The following BMPER variants were observed in gnomAD, a reference collection of about 807,000 sequenced individuals.
The protein encoded by BMPER is BMP binding endothelial regulator, also known as BMP-binding endothelial regulator protein.
BMPER carries 45 observed loss-of-function variants against 87.3 expected under a neutral mutation model. The ratio of observed to expected loss-of-function variants is 0.52; its 90% CI spans 0.41 to 0.66. The LOEUF is 0.66. BMPER is among the 30% of genes least tolerant of loss of function. The pLI is 0.00. For synonymous variants in BMPER, 326 were observed against 316.2 expected, an observed-to-expected ratio of 1.03 and a Z score of -0.33; for missense variants, 784 against 867.5, an observed-to-expected ratio of 0.90 and a Z score of 1.21.
At chr7:34,040,421 G>A (rs895392412) in intron 6 of BMPER, among the ~76,000 whole-genome samples, 1 of 152,184 alleles carries the variant, frequency 6.6e-6, no homozygotes, top group African/African-American at 2.4e-5. Flanking sequence ...TGGGTTTGGA[G>A]TCCAGAGACA....
At chr7:34,048,962 A>G (rs1788067322) in intron 7 of BMPER, among the ~76,000 whole-genome samples, 1 of 152,242 alleles carries the variant, frequency 6.6e-6, no homozygotes, top group Non-Finnish European at 1.5e-5. Flanking sequence ...CACAGCAAGA[A>G]ACAGAGACAA....
intron 6 of BMPER, among the ~76,000 whole-genome samples, chr7:34,002,800 T>A (rs1786616658): frequency 6.6e-6 from 1 of 151,794 alleles, no homozygotes; most frequent in Admixed American, 6.6e-5. Flanking sequence ...CTTAAAGACT[T>A]TTTTGTTTGA....
At chr7:33,956,740 C>T (rs892966257) in intron 3 of BMPER, among the ~76,000 whole-genome samples, 2 of 152,176 alleles carry the variant, frequency 1.3e-5, no homozygotes, top group African/African-American at 2.4e-5. Context: ...TTCTCAATAA[C>T]ATTTTCTTTT....
chr7:34,129,618 G>GATAGAGAA (rs1554322703), intron 13 of BMPER, among the ~76,000 whole-genome samples: 1 of 52,420 alleles, frequency 1.9e-5, no homozygotes, highest in African/African-American at 7.8e-5. Flanking sequence ...GAAAGAGAGA[G>GATAGAGAA]AGAGAGAAAG....
chr7:34,082,348 G>A (rs200239763), intron 12 of BMPER, among the ~76,000 whole-genome samples: 6 of 29,910 alleles, frequency 2.0e-4, no homozygotes, highest in Admixed American at 3.2e-4. Context: ...TTTTTTTTTT[G>A]GTCTTTCACT....
chr7:34,107,838 T>C (rs901801292), intron 13 of BMPER, among the ~76,000 whole-genome samples: 3 of 152,164 alleles, frequency 2.0e-5, no homozygotes, highest in African/African-American at 4.8e-5. Context: ...GTCAAATCAT[T>C]TGGGCTCAAA....
At chr7:34,125,386 G>C (rs973196570) in intron 13 of BMPER, among the ~76,000 whole-genome samples, 1 of 152,072 alleles carries the variant, frequency 6.6e-6, no homozygotes, top group African/African-American at 2.4e-5. Flanking sequence ...TTCCAACTCA[G>C]TTGATCATTC....
At chr7:34,043,800 G>A (rs180757787) in intron 6 of BMPER, among the ~76,000 whole-genome samples, 30 of 152,310 alleles carry the variant, frequency 2.0e-4, no homozygotes, top group African/African-American at 7.2e-4. Context: ...GGATGGATTA[G>A]TGAAAGAGAG....
At chr7:34,120,220 ATTC>A (rs2127988916) in intron 13 of BMPER, among the ~76,000 whole-genome samples, 1 of 152,360 alleles carries the variant, frequency 6.6e-6, no homozygotes, top group South Asian at 2.1e-4. Context: ...AAAACCCTGC[ATTC>A]AAGAGAAGAA....
Position 34,082,472 on chromosome 7 carries a change from C to T in BMPER, c.1409-3284C>T, listed in dbSNP as rs375993105. Among the ~76,000 whole-genome samples the T allele has an allele frequency of 5.5e-4, 83 of 152,034 alleles. No individual in the cohort carries two copies. In the Middle Eastern group the frequency reaches 0.014, roughly 25 times the overall value. Reference sequence around the variant, plus strand: ...GCATCTGTAGTAGAGTAAGTCATCCCTTCACAATGCAAAGCCTAGCATTGG... The same window carrying T: ...GCATCTGTAGTAGAGTAAGTCATCCTTTCACAATGCAAAGCCTAGCATTGG... On this transcript the variant is annotated intron_variant, in intron 12 of 14. Coordinates refer to ENST00000649409, the MANE Select transcript of BMPER (RefSeq NM_001365308.1).
chr7:34,053,213 CA>C (rs1205645575), intron 8 of BMPER, among the ~76,000 whole-genome samples: 4 of 152,136 alleles, frequency 2.6e-5, no homozygotes, highest in African/African-American at 9.7e-5. Context: ...ACTCTTCCTC[CA>C]AAAGGGTGTT....
intron 6 of BMPER, among the ~76,000 whole-genome samples, chr7:33,977,861 G>A (rs972417786): frequency 7.2e-5 from 11 of 152,120 alleles, no homozygotes; most frequent in African/African-American, 2.2e-4. Context: ...ACATACACAT[G>A]TTTAAGATTG....
At chr7:34,047,008 G>A (rs1787992724) in intron 7 of BMPER, among the ~76,000 whole-genome samples, 2 of 151,516 alleles carry the variant, frequency 1.3e-5, no homozygotes, top group Admixed American at 6.6e-5. Context: ...TGTAATGAAG[G>A]TGCTATTATT....
chr7:34,109,440 A>G (rs1189156260), intron 13 of BMPER, among the ~76,000 whole-genome samples: 1 of 152,240 alleles, frequency 6.6e-6, no homozygotes, highest in African/African-American at 2.4e-5. Flanking sequence ...AATAATATCT[A>G]ACCAACTATC....
chr7:33,995,590 C>G (rs1389490098), intron 6 of BMPER, among the ~76,000 whole-genome samples: 1 of 152,116 alleles, frequency 6.6e-6, no homozygotes, highest in Non-Finnish European at 1.5e-5. Flanking sequence ...TAGCATAAAA[C>G]CAGGCCATGT....
chr7:33,948,619 C>CACCAGATCT (rs1784945615), intron 3 of BMPER, among the ~76,000 whole-genome samples: 1 of 152,152 alleles, frequency 6.6e-6, no homozygotes, highest in East Asian at 1.9e-4. Context: ...AGTGAGTTCT[C>CACCAGATCT]ACCAGATCTG....
At chr7:33,986,721 G>C (rs1344334147) in intron 6 of BMPER, among the ~76,000 whole-genome samples, 1 of 152,006 alleles carries the variant, frequency 6.6e-6, no homozygotes, top group Non-Finnish European at 1.5e-5. Context: ...TCTGTGTTGT[G>C]GGAGGACGAG....
intron 2 of BMPER, among the ~76,000 whole-genome samples, chr7:33,914,028 C>G (rs1044624828): frequency 3.4e-5 from 5 of 147,334 alleles, no homozygotes; most frequent in South Asian, 2.1e-4. Context: ...GTGGCATGAT[C>G]TCGGCTCACT....
intron 3 of BMPER, among the ~76,000 whole-genome samples, chr7:33,963,233 G>A (rs1030577542): frequency 3.3e-5 from 5 of 152,092 alleles, no homozygotes; most frequent in Admixed American, 6.6e-5. Context: ...TCATTGAGTT[G>A]TTCCTCCTGC....
Sources: allele counts gnomAD v4.1 joint callset (sites outside exome capture counted in the v4.1 genomes callset), GRCh38; gene constraint gnomAD v4.1.1; transcripts MANE v1.5; gene names NCBI Gene and HGNC (gene_info 2026-07-23, HGNC 2026-07-21).